Variants in ABHD5 observed in about 807,000 individuals in gnomAD.
The protein encoded by ABHD5 is 1-acylglycerol-3-phosphate O-acyltransferase ABHD5.
ABHD5 carries 30 observed loss-of-function variants against 44.9 expected under a neutral mutation model. The observed-to-expected ratio is 0.67, with a 90% CI of 0.50 to 0.91. ABHD5 has a LOEUF of 0.91. Among genes scored for constraint, ABHD5 ranks in the 40% least tolerant of loss-of-function variants. ABHD5 has a pLI of 0.00. For synonymous variants in ABHD5, 167 were observed against 147.0 expected (o/e 1.14, Z -0.99); for missense variants, 399 against 423.4 (o/e 0.94, Z 0.50).
intron 2 of ABHD5, 187 bp downstream of exon 2, chr3:43,699,548 A>C: frequency 3.3e-6 from 2 of 614,180 alleles, no homozygotes; most frequent in Non-Finnish European, 5.7e-6. Flanking sequence ...GAGTTCTAAA[A>C]CTTTTTGGTC....
At chr3:43,711,970 C>A (rs2149602539) in intron 4 of ABHD5, 107 bp downstream of exon 4, 1 of 1,433,050 alleles carries the variant, frequency 7.0e-7, no homozygotes, top group Non-Finnish European at 9.8e-7. Flanking sequence ...ACCCTGAACC[C>A]TTACTTTTTC....
chr3:43,716,371 AC>A (rs2084762846), intron 5 of ABHD5, among the ~76,000 whole-genome samples: 1 of 152,148 alleles, frequency 6.6e-6, no homozygotes, highest in Non-Finnish European at 1.5e-5. Context: ...ACTATGGAGC[AC>A]ACTTTAAGAC....
chr3:43,699,406 A>G lies in ABHD5; in HGVS notation c.133+45A>G, dbSNP rs745538572. 4.0e-6 allele frequency: 6 copies of G among 1,513,868 alleles called. No individual in the cohort carries two copies. In the African/African-American group the frequency reaches 8.3e-5, roughly 21 times the overall value. 93.8% of individuals were successfully genotyped at this position (1,513,868 alleles called of 1,614,324 possible). On this transcript the variant is annotated intron_variant, in intron 2 of 6. Coordinates refer to ENST00000644371, the MANE Select transcript of ABHD5 (RefSeq NM_016006.6). ...AGTTAAATGAGCTGTGTACTAAGAT[A>G]GGTCCAATATATCTCATTGCCCTGA...
intron 1 of ABHD5, among the ~76,000 whole-genome samples, chr3:43,692,923 G>A (rs2084417433): frequency 1.3e-5 from 2 of 152,170 alleles, no homozygotes; most frequent in African/African-American, 4.8e-5. Context: ...ATTAACAAAG[G>A]AAAGTTATAA....
In ABHD5 at chr3:43,718,509, G is replaced by A; in HGVS notation, c.1027G>A (p.Glu343Lys). The change falls in exon 7 of 7, where the codon GAG becomes AAG. Residue 343 changes from glutamate (E) to lysine (K), a missense_variant. Transcript: ENST00000644371. ...AGAAGAATTCAACCAGAAAGTAAAG[G>A]AGATCTGCGACACTGTGGACTGAAC... is the stretch of plus-strand genomic sequence containing the variant. ...QPEEFNQKVK[E>K]ICDTVD 2 of 1,614,104 alleles carry A rather than the reference G, an allele frequency of 1.2e-6. No individual in the cohort carries two copies. The highest frequency in any genetic ancestry group is 8.5e-7 in the Non-Finnish European group (1 of 1,179,980).
chr3:43,732,269 A>G lies in ABHD5; in HGVS notation c.*30-1611A>G, dbSNP rs146950687. ...AACATGATGAAACCTTGTCTCTACT[A>G]AAAATACAAAAATTAGCCGGCAGGG... is the stretch of plus-strand genomic sequence containing the variant. On this transcript the variant is annotated intron_variant, in intron 7 of 7. Transcript: ENST00000454293. Among the ~76,000 whole-genome samples the G allele has an allele frequency of 3.9e-5, 6 of 152,216 alleles. No homozygotes were observed. The East Asian group carries it at 1.2e-3, about 30-fold the overall frequency.
chr3:43,733,047 G>A (rs1697264949), intron 7 of ABHD5, among the ~76,000 whole-genome samples: 1 of 152,220 alleles, frequency 6.6e-6, no homozygotes, highest in Non-Finnish European at 1.5e-5. Flanking sequence ...GCAGTGGAGA[G>A]TCTAACAAGA....
chr3:43,726,937 T>G (rs907651979), downstream of ABHD5, among the ~76,000 whole-genome samples: 4 of 152,226 alleles, frequency 2.6e-5, no homozygotes, highest in African/African-American at 9.6e-5. Context: ...GGTTGGAGTT[T>G]AACTACATAT....
chr3:43,726,696 A>G (rs1005153481), downstream of ABHD5, among the ~76,000 whole-genome samples: 1 of 152,184 alleles, frequency 6.6e-6, no homozygotes, highest in East Asian at 1.9e-4. Flanking sequence ...TGAGCATGAG[A>G]TGTGGATTGT....
chr3:43,691,236 T>C, intron 1 of ABHD5, 197 bp downstream of exon 1: 1 of 453,890 alleles, frequency 2.2e-6, no homozygotes, highest in Non-Finnish European at 3.6e-6. Flanking sequence ...GAGGCTCCCC[T>C]CAGCGTCGGG....
At position 43,720,400 on chromosome 3, in the gene ABHD5, T is replaced by G. The variant is rs2084820049; in HGVS notation, c.*1868T>G. On this transcript the variant is annotated 3_prime_UTR_variant, in exon 7 of 7. Transcript: ENST00000644371. ...AGTGAATGGAGTTTCTGGCCGCAGA[T>G]GTGCCAAGTGATTGAAGAAAGATAT... 1 of 152,188 alleles carries G rather than the reference T, an allele frequency of 6.6e-6. No homozygotes were observed. The highest frequency in any genetic ancestry group is 1.5e-5 in the Non-Finnish European group (1 of 68,028). 9.4% of individuals were successfully genotyped at this position (152,188 alleles called of 1,614,324 possible).
chr3:43,705,081 ATGGT>A (rs995298542), intron 3 of ABHD5, among the ~76,000 whole-genome samples: 2 of 152,224 alleles, frequency 1.3e-5, no homozygotes, highest in Admixed American at 1.3e-4. Context: ...TCAGAACACC[ATGGT>A]TGGCACATAG....
At position 43,699,280 on chromosome 3, in the gene ABHD5, G is replaced by C; in HGVS notation, c.52G>C (p.Gly18Arg). Reference protein sequence around the residue: ...VDSADTGERSGWLTGWLPTWC... With the variant: ...VDSADTGERSRWLTGWLPTWC... The stretch of plus-strand genomic sequence containing the variant: ...ATTTTGTTTTTGGTGCTCTAGGTCA[G>C]GATGGCTAACTGGTTGGCTCCCCAC... The change falls in exon 2 of 7, where the codon GGA becomes CGA. Residue 18 changes from glycine (G) to arginine (R), a missense_variant. By Grantham distance (125) the Gly-to-Arg change is moderately radical (BLOSUM62 -2). Coordinates refer to ENST00000644371, the MANE Select transcript of ABHD5 (RefSeq NM_016006.6). 1 of 1,613,904 alleles carries C rather than the reference G, an allele frequency of 6.2e-7. No homozygotes were observed. The highest frequency in any genetic ancestry group is 1.3e-5 in the African/African-American group (1 of 75,036).
intron 5 of ABHD5, 85 bp downstream of exon 5, chr3:43,715,143 T>C: frequency 3.2e-6 from 3 of 941,302 alleles, no homozygotes; most frequent in Admixed American, 3.7e-5. Flanking sequence ...TAGACTATTT[T>C]TTTTAAAACT....
At chr3:43,703,877 T>G (rs1335099316) in intron 3 of ABHD5, among the ~76,000 whole-genome samples, 1 of 152,120 alleles carries the variant, frequency 6.6e-6, no homozygotes, top group Non-Finnish European at 1.5e-5. Flanking sequence ...TATAGACTCT[T>G]TATCTAAACT....
intron 5 of ABHD5, among the ~76,000 whole-genome samples, chr3:43,716,348 T>G (rs1343810621): frequency 6.6e-6 from 1 of 152,172 alleles, no homozygotes. Context: ...CTCTGGTGAT[T>G]CTGTATAGGT....
At chr3:43,700,981 A>G (rs2084535285) in intron 2 of ABHD5, among the ~76,000 whole-genome samples, 1 of 152,216 alleles carries the variant, frequency 6.6e-6, no homozygotes, top group Non-Finnish European at 1.5e-5. Flanking sequence ...AAAATAAAAA[A>G]ATTCTTATCA....
At chr3:43,723,024 A>C (rs2084853789), downstream of ABHD5, among the ~76,000 whole-genome samples, 1 of 152,202 alleles carries the variant, frequency 6.6e-6, no homozygotes, top group South Asian at 2.1e-4. Context: ...ATGAGTCTGG[A>C]ATATTTTGTG....
At chr3:43,717,399 A>C (rs894383055) in intron 5 of ABHD5, among the ~76,000 whole-genome samples, 3 of 152,236 alleles carry the variant, frequency 2.0e-5, no homozygotes, top group Non-Finnish European at 2.9e-5. Flanking sequence ...CTCCACAATA[A>C]ATAATTTAAT....
Sources: allele counts gnomAD v4.1 joint callset (sites outside exome capture counted in the v4.1 genomes callset), GRCh38; gene constraint gnomAD v4.1.1; transcripts MANE v1.5; gene names NCBI Gene and HGNC (gene_info 2026-07-23, HGNC 2026-07-21).